The following GRID2 variants were observed in gnomAD, a reference collection of about 807,000 sequenced individuals.
The protein encoded by GRID2 is glutamate ionotropic receptor delta type subunit 2, also known as glutamate receptor ionotropic, delta-2.
Under a neutral mutation model 114.8 loss-of-function variants are expected in GRID2, and 33 were observed. The ratio of observed to expected loss-of-function variants is 0.29; its 90% CI spans 0.22 to 0.38. The LOEUF is 0.38. GRID2 is among the 10% of genes least tolerant of loss of function. The probability of loss-of-function intolerance (pLI) is 1.00; values close to 1 mark genes in which losing one functional copy is unlikely to be tolerated. For missense variants in GRID2, 1,184 were observed against 1,257.7 expected, an observed-to-expected ratio of 0.94 and a Z score of 0.89; for synonymous variants, 505 against 449.9, an observed-to-expected ratio of 1.12 and a Z score of -1.55.
At chr4:93,760,591 C>T (rs1162609695) in intron 14 of GRID2, among the ~76,000 whole-genome samples, 1 of 152,144 alleles carries the variant, frequency 6.6e-6, no homozygotes, top group Non-Finnish European at 1.5e-5. Flanking sequence ...TTCACCTCAC[C>T]GGCAGGAGTT....
intron 1 of GRID2, among the ~76,000 whole-genome samples, chr4:92,585,188 G>C (rs1050974311): frequency 1.3e-4 from 19 of 151,974 alleles, no homozygotes; most frequent in Non-Finnish European, 2.2e-4. Flanking sequence ...TGAACACAAA[G>C]AGAAAAAGTG....
intron 2 of GRID2, among the ~76,000 whole-genome samples, chr4:92,847,548 A>C (rs1322115410): frequency 6.6e-6 from 1 of 152,078 alleles, no homozygotes; most frequent in African/African-American, 2.4e-5. Context: ...TTTCTTTAAA[A>C]TAACAAAATG....
chr4:93,472,650 G>T (rs567947288), intron 11 of GRID2, among the ~76,000 whole-genome samples: 1 of 152,158 alleles, frequency 6.6e-6, no homozygotes, highest in African/African-American at 2.4e-5. Flanking sequence ...ATGGAACAAA[G>T]GTTGGAGATA....
intron 1 of GRID2, among the ~76,000 whole-genome samples, chr4:92,364,778 T>C (rs926510301): frequency 6.6e-6 from 1 of 152,074 alleles, no homozygotes; most frequent in Non-Finnish European, 1.5e-5. Context: ...AGGCTATGAT[T>C]ACTTACCTGT....
At chr4:93,538,371 C>T (rs372227872) in intron 13 of GRID2, among the ~76,000 whole-genome samples, 3 of 151,556 alleles carry the variant, frequency 2.0e-5, no homozygotes, top group Admixed American at 2.0e-4. Flanking sequence ...TCTAAATATA[C>T]AAGTTCATAG....
chr4:92,346,413 A>G (rs181775952), intron 1 of GRID2, among the ~76,000 whole-genome samples: 24 of 152,142 alleles, frequency 1.6e-4, no homozygotes, highest in African/African-American at 5.3e-4. Context: ...TGCCCAGGCT[A>G]GAGTGCAGTG....
At chr4:93,544,300 TAAGC>T (rs57885102) in intron 13 of GRID2, among the ~76,000 whole-genome samples, 46,772 of 151,798 alleles carry the variant, frequency 0.31, 7,826 homozygotes, top group African/African-American at 0.43. Context: ...GCATTTAAAA[TAAGC>T]AAGTATAAAA....
intron 1 of GRID2, among the ~76,000 whole-genome samples, chr4:92,357,107 C>T (rs1326212732): frequency 6.6e-6 from 1 of 151,582 alleles, no homozygotes; most frequent in Non-Finnish European, 1.5e-5. Flanking sequence ...TATTTCCAAA[C>T]TTTGGATCAA....
intron 2 of GRID2, among the ~76,000 whole-genome samples, chr4:92,639,052 T>A (rs1455689929): frequency 1.3e-5 from 2 of 151,470 alleles, no homozygotes; most frequent in African/African-American, 4.8e-5. Context: ...AATGGTATTT[T>A]CAATTTGTAA....
intron 2 of GRID2, among the ~76,000 whole-genome samples, chr4:92,856,170 A>G (rs1578320564): frequency 1.3e-5 from 2 of 152,152 alleles, no homozygotes; most frequent in South Asian, 4.1e-4. Context: ...AGTTTCAAGA[A>G]CTAAACAATA....
chr4:92,942,293 T>C (rs1451120655), intron 2 of GRID2, among the ~76,000 whole-genome samples: 1 of 152,234 alleles, frequency 6.6e-6, no homozygotes, highest in African/African-American at 2.4e-5. Flanking sequence ...TTAGCTCTTC[T>C]TGTTGAATTG....
At chr4:92,352,956 T>G (rs1579225556) in intron 1 of GRID2, among the ~76,000 whole-genome samples, 1 of 152,018 alleles carries the variant, frequency 6.6e-6, no homozygotes, top group South Asian at 2.1e-4. Context: ...TTTTTGTTAT[T>G]ATTTCTTTAA....
chr4:93,391,937 G>A (rs1020213641), intron 8 of GRID2, among the ~76,000 whole-genome samples: 1 of 152,072 alleles, frequency 6.6e-6, no homozygotes, highest in East Asian at 1.9e-4. Flanking sequence ...GCATTTTAAG[G>A]TCTTAAAATG....
intron 1 of GRID2, among the ~76,000 whole-genome samples, chr4:92,402,688 C>G (rs1182644923): frequency 6.6e-6 from 1 of 152,132 alleles, no homozygotes; most frequent in Non-Finnish European, 1.5e-5. Context: ...CTTTGTTGTT[C>G]CATTTATAGA....
intron 1 of GRID2, among the ~76,000 whole-genome samples, chr4:92,554,059 A>C (rs1726731519): frequency 6.6e-6 from 1 of 152,206 alleles, no homozygotes; most frequent in South Asian, 2.1e-4. Flanking sequence ...AAACATGAAA[A>C]ACATGAAAAT....
chr4:92,702,192 A>T (rs556918024), intron 2 of GRID2, among the ~76,000 whole-genome samples: 8 of 152,266 alleles, frequency 5.3e-5, no homozygotes, highest in Admixed American at 3.9e-4. Context: ...CCCACTTCAT[A>T]AAGCGCCCTC....
At chr4:92,617,835 G>C (rs1730076310) in intron 2 of GRID2, among the ~76,000 whole-genome samples, 1 of 151,566 alleles carries the variant, frequency 6.6e-6, no homozygotes, top group Admixed American at 6.6e-5. Flanking sequence ...GAGGTCATTT[G>C]CCCTTTTCTT....
intron 11 of GRID2, among the ~76,000 whole-genome samples, chr4:93,484,564 G>A (rs1347697485): frequency 6.6e-6 from 1 of 151,892 alleles, no homozygotes; most frequent in African/African-American, 2.4e-5. Context: ...CAACTGGGGG[G>A]CTGCCACAAG....
intron 2 of GRID2, among the ~76,000 whole-genome samples, chr4:92,876,409 A>G (rs1460909429): frequency 6.6e-6 from 1 of 151,860 alleles, no homozygotes; most frequent in Non-Finnish European, 1.5e-5. Flanking sequence ...AGTTCACACC[A>G]TTCTCCTGCC....
Sources: gnomAD v4.1 joint callset for allele counts (sites outside exome capture counted in the v4.1 genomes callset) on GRCh38, gnomAD v4.1.1 for gene constraint, MANE v1.5 for transcripts, NCBI Gene and HGNC (gene_info 2026-07-23, HGNC 2026-07-21) for gene names.